PRKRIP1: variants seen among roughly 807,000 people sequenced by gnomAD.
PRKRIP1 encodes the protein PRKR-interacting protein 1.
Under a neutral mutation model 29.3 loss-of-function variants are expected in PRKRIP1, and 29 were observed. The ratio of observed to expected loss-of-function variants is 0.99; its 90% confidence interval spans 0.74 to 1.35. PRKRIP1 has a LOEUF of 1.35. Among genes scored for constraint, PRKRIP1 ranks in the 40% most tolerant of loss-of-function variants. PRKRIP1 has a pLI of 0.00. For missense variants in PRKRIP1, 247 were observed against 236.8 expected (o/e 1.04, Z -0.28); for synonymous variants, 90 against 85.1 (o/e 1.06, Z -0.32).
chr7:102,398,780 T>TA (rs1795986838), intron 2 of PRKRIP1, among the ~76,000 whole-genome samples: 1 of 152,198 alleles, frequency 6.6e-6, no homozygotes, highest in African/African-American at 2.4e-5. Flanking sequence ...CCACTGCACA[T>TA]ACAAGTTTTC....
Position 102,425,247 on chromosome 7 carries a change from C to G in PRKRIP1, c.*136C>G. ...AGAGCAAAGGAGACCCCTCCCGAGC[C>G]GCTCACAGTCCTGTATTTGGCAGGT... On this transcript the variant is annotated 3_prime_UTR_variant, in exon 6 of 6. Transcript: ENST00000397912. 6.6e-7 allele frequency: 1 copy of G among 1,505,494 alleles called. No individual in the cohort carries two copies. The highest frequency in any genetic ancestry group is 8.8e-7 in the Non-Finnish European group (1 of 1,131,414). 93.3% of individuals were successfully genotyped at this position (1,505,494 alleles called of 1,614,324 possible).
At chr7:102,399,731 C>A in intron 3 of PRKRIP1, 83 bp downstream of exon 3, 1 of 1,144,098 alleles carries the variant, frequency 8.7e-7, no homozygotes, top group South Asian at 1.3e-5. Flanking sequence ...TTTGAAGAGG[C>A]TGGGCGTGGT....
rs781921247 is a variant in PRKRIP1 at position 102,396,531 on chromosome 7, G to A, written c.120G>A (p.Lys40=). ...EQKLKLERLM[K]NPDKAVPIPE... ...AGCTCAAGCTGGAGCGGCTCATGAA[G>A]AACCCGGTGAGACGAGGCCCAGGCT... is the stretch of plus-strand genomic sequence containing the variant. Residue 40 remains lysine (K), a synonymous_variant, in exon 1 of 6, where the codon AAG becomes AAA. Transcript: ENST00000397912. 2.5e-6 allele frequency: 4 copies of A among 1,607,836 alleles called. No individual in the cohort carries two copies. The highest frequency in any genetic ancestry group is 2.3e-5 in the East Asian group (1 of 44,348).
chr7:102,423,118 C>CTTTTTTTTTTTT, intron 5 of PRKRIP1: 1 of 438,662 alleles, frequency 2.3e-6, no homozygotes, highest in Admixed American at 2.5e-5. Flanking sequence ...AGACCCTATG[C>CTTTTTTTTTTTT]TCTTTTTTTT....
chr7:102,418,902 C>G (rs1231239892), intron 5 of PRKRIP1, among the ~76,000 whole-genome samples: 4 of 151,934 alleles, frequency 2.6e-5, no homozygotes, highest in African/African-American at 9.7e-5. Context: ...CATTTTATCG[C>G]CCAAGCTGGT....
intron 3 of PRKRIP1, among the ~76,000 whole-genome samples, chr7:102,400,909 TACAGGCGTGAGCC>T (rs1796050723): frequency 6.6e-6 from 1 of 152,128 alleles, no homozygotes; most frequent in Non-Finnish European, 1.5e-5. Flanking sequence ...GTGCTGGGAT[TACAGGCGTGAGCC>T]ACCATGCCCG....
At chr7:102,419,847 G>T (rs1226888313) in intron 5 of PRKRIP1, among the ~76,000 whole-genome samples, 10 of 3,602 alleles carry the variant, frequency 2.8e-3, no homozygotes, top group Non-Finnish European at 0.025. Context: ...TTGTGTTTTT[G>T]TGTGTGTGTG....
intron 5 of PRKRIP1, among the ~76,000 whole-genome samples, chr7:102,419,502 T>G (rs1796635430): frequency 6.6e-6 from 1 of 152,230 alleles, no homozygotes; most frequent in African/African-American, 2.4e-5. Flanking sequence ...TATCCACCAC[T>G]GCCGTATCAT....
At chr7:102,416,922 C>T (rs1796565003) in intron 5 of PRKRIP1, among the ~76,000 whole-genome samples, 1 of 151,896 alleles carries the variant, frequency 6.6e-6, no homozygotes, top group African/African-American at 2.4e-5. Context: ...GTGGCGCGAT[C>T]TTGGCTCACT....
At position 102,425,034 on chromosome 7, in the gene PRKRIP1, C is replaced by G; in HGVS notation, c.478C>G (p.Gln160Glu). 3 of 1,613,764 alleles carry G rather than the reference C, an allele frequency of 1.9e-6. No individual in the cohort carries two copies. The highest frequency in any genetic ancestry group is 1.1e-5 in the South Asian group (1 of 91,066). Reference protein sequence around the residue: ...KQEGPGQPKEQGSSSSAEASG... With the variant: ...KQEGPGQPKEEGSSSSAEASG... ...TACAGGACCCGGTCAGCCCAAGGAG[C>G]AGGGGTCCAGCAGCTCTGCGGAGGC... The change falls in exon 6 of 6, where the codon CAG becomes GAG. Residue 160 changes from glutamine (Q) to glutamate (E), a missense_variant. Transcript: ENST00000397912.
intron 2 of PRKRIP1, 94 bp from the exon 3 acceptor site, chr7:102,399,454 C>T: frequency 1.0e-6 from 1 of 972,932 alleles, no homozygotes; most frequent in Non-Finnish European, 1.6e-6. Flanking sequence ...CCTTCCACGA[C>T]TTCCACTTTT....
chr7:102,398,784 A>G (rs1014851443), intron 2 of PRKRIP1, among the ~76,000 whole-genome samples: 4 of 152,146 alleles, frequency 2.6e-5, no homozygotes, highest in Admixed American at 2.0e-4. Flanking sequence ...TGCACATACA[A>G]GTTTTCTTTA....
rs922208212 is a variant in PRKRIP1 at position 102,426,435 on chromosome 7, C to T, written c.*1324C>T. ...TCCTGAGTCTATTTTATGCCCCTTA[C>T]GTACTTTGATAGAACTAAGGAAATA... is the stretch of plus-strand genomic sequence containing the variant. On this transcript the variant is annotated 3_prime_UTR_variant, in exon 6 of 6. Coordinates refer to ENST00000397912, the MANE Select transcript of PRKRIP1 (RefSeq NM_024653.4). 3.3e-5 allele frequency: 5 copies of T among 152,620 alleles called. No individual in the cohort carries two copies. Among genetic ancestry groups the T allele is most frequent in the Non-Finnish European group, 5.9e-5 (4 of 68,044 alleles). 9.5% of individuals were successfully genotyped at this position (152,620 alleles called of 1,614,324 possible). A position where few individuals can be genotyped will look rare whatever the true frequency, so the allele number is the denominator to read the frequency against.
chr7:102,419,186 G>A (rs1218058348), intron 5 of PRKRIP1, among the ~76,000 whole-genome samples: 2 of 152,086 alleles, frequency 1.3e-5, no homozygotes, highest in African/African-American at 4.8e-5. Context: ...GGCTGAGGTG[G>A]GCAGATCACT....
At chr7:102,415,955 G>T (rs1293443209) in intron 5 of PRKRIP1, among the ~76,000 whole-genome samples, 1 of 152,278 alleles carries the variant, frequency 6.6e-6, no homozygotes, top group African/African-American at 2.4e-5. Flanking sequence ...CAGCCTCGCT[G>T]CATGTGCTTA....
intron 3 of PRKRIP1, among the ~76,000 whole-genome samples, chr7:102,402,451 G>C (rs1293242452): frequency 6.6e-6 from 1 of 151,990 alleles, no homozygotes; most frequent in Admixed American, 6.6e-5. Flanking sequence ...AGAAAGAAAG[G>C]GGGTGGGGGG....
chr7:102,424,941 C>A, intron 5 of PRKRIP1, 73 bp from the exon 6 acceptor site: 2 of 1,487,924 alleles, frequency 1.3e-6, no homozygotes, highest in Non-Finnish European at 9.1e-7. Context: ...TTCCCATCAG[C>A]TCTCCTCTTT....
intron 4 of PRKRIP1, 117 bp downstream of exon 4, chr7:102,404,800 A>G (rs1328739480): frequency 1.5e-6 from 1 of 679,390 alleles, no homozygotes; most frequent in Non-Finnish European, 2.5e-6. Context: ...ATGAATGTAG[A>G]GCAATGACTT....
intron 5 of PRKRIP1, chr7:102,423,410 G>C (rs6953087): frequency 3.2e-6 from 1 of 308,502 alleles, no homozygotes; most frequent in Admixed American, 4.3e-5. Flanking sequence ...CACCGTGCCC[G>C]GCGCCTTATA....
Sources: allele counts gnomAD v4.1 joint callset (sites outside exome capture counted in the v4.1 genomes callset), GRCh38; gene constraint gnomAD v4.1.1; transcripts MANE v1.5; gene names NCBI Gene and HGNC (gene_info 2026-07-23, HGNC 2026-07-21).